The following LSAMP variants were observed in gnomAD, a reference collection of about 807,000 sequenced individuals.
The protein encoded by LSAMP is limbic system-associated membrane protein.
Under a neutral mutation model 38.6 loss-of-function variants are expected in LSAMP, and 7 were observed. The observed-to-expected ratio is 0.18, with a 90% CI of 0.10 to 0.34. LSAMP has a LOEUF of 0.34. Among genes scored for constraint, LSAMP ranks in the 10% least tolerant of loss-of-function variants. The pLI, the probability that LSAMP is intolerant of heterozygous loss-of-function variation, is 1.00. For missense variants in LSAMP, 313 were observed against 420.0 expected, an observed-to-expected ratio of 0.75 and a Z score of 2.23; for synonymous variants, 154 against 166.8, an observed-to-expected ratio of 0.92 and a Z score of 0.59.
intron 1 of LSAMP, among the ~76,000 whole-genome samples, chr3:116,227,023 T>C (rs758259665): frequency 3.0e-4 from 46 of 152,202 alleles, no homozygotes; most frequent in Non-Finnish European, 5.1e-4. Context: ...GTGTTTTTTT[T>C]TCCTGAAAGT....
intron 2 of LSAMP, among the ~76,000 whole-genome samples, chr3:116,044,827 C>T (rs1941254489): frequency 6.6e-6 from 1 of 152,130 alleles, no homozygotes; most frequent in African/African-American, 2.4e-5. Context: ...ATGGGGAGCT[C>T]AGGCTGCATG....
intron 1 of LSAMP, among the ~76,000 whole-genome samples, chr3:116,126,496 C>T (rs909969589): frequency 8.5e-5 from 13 of 152,204 alleles, no homozygotes; most frequent in Admixed American, 3.3e-4. Flanking sequence ...GCACCTATGT[C>T]CACAGTCAGA....
chr3:116,029,535 T>C (rs1421349439), intron 2 of LSAMP, among the ~76,000 whole-genome samples: 1 of 152,046 alleles, frequency 6.6e-6, no homozygotes, highest in Non-Finnish European at 1.5e-5. Flanking sequence ...AGAGAGATAA[T>C]ATGCTAACTA....
chr3:115,944,125 C>T (rs1938019699), intron 3 of LSAMP, among the ~76,000 whole-genome samples: 1 of 152,050 alleles, frequency 6.6e-6, no homozygotes, highest in African/African-American at 2.4e-5. Flanking sequence ...TATACTCTTG[C>T]CAGGGGCTCT....
chr3:116,030,582 T>C (rs1191027914), intron 2 of LSAMP, among the ~76,000 whole-genome samples: 9 of 152,148 alleles, frequency 5.9e-5, no homozygotes, highest in Admixed American at 5.9e-4. Flanking sequence ...TTTCTGGTAC[T>C]AACAGAACAG....
chr3:116,272,548 C>CTAA (rs1318840055), intron 1 of LSAMP, among the ~76,000 whole-genome samples: 1 of 152,166 alleles, frequency 6.6e-6, no homozygotes, highest in African/African-American at 2.4e-5. Context: ...AAGAATTAAT[C>CTAA]TAATTCGTCT....
intron 1 of LSAMP, among the ~76,000 whole-genome samples, chr3:116,236,870 T>A (rs975203486): frequency 6.6e-6 from 1 of 151,542 alleles, no homozygotes; most frequent in Admixed American, 6.6e-5. Context: ...AGATTCTTTA[T>A]CTGTAAAACA....
chr3:116,181,238 T>TA (rs1326652028), intron 1 of LSAMP, among the ~76,000 whole-genome samples: 1 of 152,008 alleles, frequency 6.6e-6, no homozygotes, highest in African/African-American at 2.4e-5. Flanking sequence ...AACTTAGTTG[T>TA]AAAAATCACA....
chr3:115,844,089 G>T (rs1405313487), intron 4 of LSAMP, among the ~76,000 whole-genome samples: 1 of 152,076 alleles, frequency 6.6e-6, no homozygotes, highest in Non-Finnish European at 1.5e-5. Context: ...CTGGGCCTTG[G>T]TTTTATTACC....
chr3:115,989,706 T>C (rs943620150), intron 3 of LSAMP, among the ~76,000 whole-genome samples: 3 of 152,116 alleles, frequency 2.0e-5, no homozygotes, highest in Non-Finnish European at 4.4e-5. Flanking sequence ...AACCATTGTC[T>C]TTTTGGTAAT....
intron 6 of LSAMP, among the ~76,000 whole-genome samples, chr3:115,832,085 C>T (rs746698670): frequency 5.3e-5 from 8 of 152,092 alleles, no homozygotes; most frequent in Admixed American, 3.9e-4. Flanking sequence ...ATTCCTGCTG[C>T]GACTCTGCTG....
intron 1 of LSAMP, among the ~76,000 whole-genome samples, chr3:116,127,670 G>T (rs1259586838): frequency 6.9e-6 from 1 of 144,514 alleles, no homozygotes; most frequent in African/African-American, 2.6e-5. Context: ...TGAAAGCTGA[G>T]TCGGCAAGTT....
At chr3:115,815,586 C>T (rs866633867) in intron 6 of LSAMP, among the ~76,000 whole-genome samples, 2 of 152,074 alleles carry the variant, frequency 1.3e-5, no homozygotes, top group African/African-American at 4.8e-5. Flanking sequence ...AATTTTAGTC[C>T]AATACGTAGA....
At chr3:115,848,732 A>G (rs1267652660) in intron 4 of LSAMP, among the ~76,000 whole-genome samples, 1 of 152,170 alleles carries the variant, frequency 6.6e-6, no homozygotes, top group Non-Finnish European at 1.5e-5. Flanking sequence ...AAATAAAGGG[A>G]AAAGGAGTTG....
rs76357003 is a variant in LSAMP at position 116,050,705 on chromosome 3, G to C, written c.389-31065C>G. Among the ~76,000 whole-genome samples, 1,435 of 152,234 alleles carry C rather than the reference G, an allele frequency of 9.4e-3. 25 individuals are homozygous for C. The highest frequency in any genetic ancestry group is 0.032 in the African/African-American group (1,346 of 41,546). ...CAAGGTTTTAATAGCAAAATAAAAGGTTTGGAGTCAGCTTTGCTCTCTTTC... is the reference window on the plus strand; with the variant it reads ...CAAGGTTTTAATAGCAAAATAAAAGCTTTGGAGTCAGCTTTGCTCTCTTTC... On this transcript the variant is annotated intron_variant, in intron 2 of 6. Coordinates refer to ENST00000490035, the MANE Select transcript of LSAMP (RefSeq NM_002338.5).
intron 3 of LSAMP, among the ~76,000 whole-genome samples, chr3:115,919,000 C>T (rs955611257): frequency 6.6e-6 from 1 of 152,138 alleles, no homozygotes; most frequent in African/African-American, 2.4e-5. Flanking sequence ...CTAATCTTAA[C>T]ACTATCTACA....
rs570114265 is a variant in LSAMP at position 116,001,137 on chromosome 3, C to G, written c.514+18378G>C. Reference sequence around the variant, plus strand: ...ATAATTGATGTTCACAATGATTACCCCGAGGCAGTGCAAGTTCCTAAAGTG... The same window carrying G: ...ATAATTGATGTTCACAATGATTACCGCGAGGCAGTGCAAGTTCCTAAAGTG... On this transcript the variant is annotated intron_variant, in intron 3 of 6. Transcript: ENST00000490035. Among the ~76,000 whole-genome samples the G allele has an allele frequency of 7.2e-5, 11 of 151,806 alleles. No homozygotes were observed. In the East Asian group the frequency reaches 2.1e-3, roughly 29 times the overall value.
chr3:115,849,477 ATT>A (rs35488561), intron 4 of LSAMP, among the ~76,000 whole-genome samples: 9 of 149,386 alleles, frequency 6.0e-5, no homozygotes, highest in South Asian at 4.2e-4. Context: ...TAGCCCTGAG[ATT>A]TTTTTTTTTT....
intron 1 of LSAMP, among the ~76,000 whole-genome samples, chr3:116,309,871 G>T (rs1250980777): frequency 3.9e-5 from 6 of 152,282 alleles, no homozygotes; most frequent in African/African-American, 1.4e-4. Flanking sequence ...TGCCAGCCAA[G>T]ACTTTCCTTT....
Sources: allele counts gnomAD v4.1 joint callset (sites outside exome capture counted in the v4.1 genomes callset), GRCh38; gene constraint gnomAD v4.1.1; transcripts MANE v1.5; gene names NCBI Gene and HGNC (gene_info 2026-07-23, HGNC 2026-07-21).